The following PCSK5 variants were observed in gnomAD, a reference collection of about 807,000 sequenced individuals.
PCSK5 encodes proprotein convertase subtilisin/kexin type 5.
Under a neutral mutation model 233.2 loss-of-function variants are expected in PCSK5, and 129 were observed. The observed-to-expected ratio is 0.55, with a 90% CI of 0.48 to 0.64. The LOEUF is 0.64. Among genes scored for constraint, PCSK5 ranks in the 30% least tolerant of loss-of-function variants. PCSK5 has a pLI of 0.00. For synonymous variants in PCSK5, 825 were observed against 879.2 expected (o/e 0.94, Z 1.09); for missense variants, 2,076 against 2,430.1 (o/e 0.85, Z 3.06).
intron 30 of PCSK5, among the ~76,000 whole-genome samples, chr9:76,315,174 G>A (rs1828989562): frequency 6.6e-6 from 1 of 151,790 alleles, no homozygotes; most frequent in Non-Finnish European, 1.5e-5. Context: ...GGCTGGTCTT[G>A]AACTCCTGAC....
At chr9:76,184,191 A>G (rs932864825) in intron 16 of PCSK5, among the ~76,000 whole-genome samples, 1 of 152,206 alleles carries the variant, frequency 6.6e-6, no homozygotes, top group Admixed American at 6.5e-5. Context: ...GCAGTCTTAA[A>G]TGTAGATTCC....
intron 20 of PCSK5, among the ~76,000 whole-genome samples, chr9:76,212,979 T>C (rs1165980791): frequency 6.6e-6 from 1 of 152,162 alleles, no homozygotes; most frequent in Non-Finnish European, 1.5e-5. Flanking sequence ...TATCTGCCCC[T>C]CCTATATGTG....
At chr9:75,921,786 T>C (rs1428247985) in intron 1 of PCSK5, among the ~76,000 whole-genome samples, 1 of 152,230 alleles carries the variant, frequency 6.6e-6, no homozygotes, top group African/African-American at 2.4e-5. Context: ...ATTAAGGATA[T>C]AATTACTCAT....
chr9:76,255,187 T>G (rs1323222515), intron 24 of PCSK5, among the ~76,000 whole-genome samples: 6 of 152,018 alleles, frequency 3.9e-5, no homozygotes, highest in African/African-American at 1.4e-4. Context: ...CTAGGGAGGC[T>G]GAGGTGGGAT....
chr9:75,990,150 C>G (rs550810248), intron 3 of PCSK5, among the ~76,000 whole-genome samples: 1 of 152,278 alleles, frequency 6.6e-6, no homozygotes, highest in South Asian at 2.1e-4. Context: ...ACTGACACAG[C>G]CCAGGCAAGG....
rs552349247 is a variant in PCSK5 at position 76,294,054 on chromosome 9, G to A, written c.3186-1221G>A. ...TCTACTAAAAATACAAAAATTAGCC[G>A]AGTGTGGTGGCATGCATCTGTAGTT... On this transcript the variant is annotated intron_variant, in intron 25 of 37. Coordinates refer to ENST00000674117, the MANE Select transcript of PCSK5 (RefSeq NM_001372043.1). 6.6e-5 allele frequency among the ~76,000 whole-genome samples: 10 copies of A among 152,216 alleles called. No individual in the cohort carries two copies. The South Asian group carries it at 1.2e-3, about 19-fold the overall frequency.
chr9:75,967,935 T>G (rs1332366200), intron 2 of PCSK5, among the ~76,000 whole-genome samples: 2 of 152,238 alleles, frequency 1.3e-5, no homozygotes, highest in Non-Finnish European at 2.9e-5. Flanking sequence ...GCTAATTTTG[T>G]ATTTTTAGTA....
chr9:75,954,034 G>A (rs1824986050), intron 2 of PCSK5, among the ~76,000 whole-genome samples: 1 of 152,180 alleles, frequency 6.6e-6, no homozygotes, highest in East Asian at 1.9e-4. Flanking sequence ...GTGTTAAGCT[G>A]ATAAACTTAA....
intron 3 of PCSK5, among the ~76,000 whole-genome samples, chr9:75,993,117 A>G (rs895524309): frequency 2.6e-5 from 4 of 152,070 alleles, no homozygotes; most frequent in African/African-American, 9.7e-5. Context: ...TTGTGGCATT[A>G]TTGTCCTGGC....
chr9:76,310,762 C>T lies in PCSK5; in HGVS notation c.3795C>T (p.Cys1265=), dbSNP rs1158360359. Residue 1265 remains cysteine (C), a synonymous_variant, in exon 30 of 38, where the codon TGC becomes TGT. Coordinates refer to ENST00000674117, the MANE Select transcript of PCSK5 (RefSeq NM_001372043.1). ...CENCTEACAI[C]SGADLCKKCQ... ...ACTGTACGGAGGCCTGTGCCATCTGCTCTGGAGCCGATCTTTGCAAAAAAT... is the reference window on the plus strand; with the variant it reads ...ACTGTACGGAGGCCTGTGCCATCTGTTCTGGAGCCGATCTTTGCAAAAAAT... The T allele has an allele frequency of 8.7e-6, 14 of 1,612,272 alleles. No homozygotes were observed. The Admixed American group carries it at 1.0e-4, about 12-fold the overall frequency.
chr9:76,008,503 C>A (rs1285554160), intron 3 of PCSK5, among the ~76,000 whole-genome samples: 4 of 151,744 alleles, frequency 2.6e-5, no homozygotes, highest in Admixed American at 6.6e-5. Flanking sequence ...GCTCTGTCAC[C>A]CAGGCTGGAG....
chr9:75,901,627 T>TAAAA (rs34727969), intron 1 of PCSK5, among the ~76,000 whole-genome samples: 1 of 136,988 alleles, frequency 7.3e-6, no homozygotes, highest in Non-Finnish European at 1.6e-5. Flanking sequence ...TCCCAGAACT[T>TAAAA]AAAAAAAAAA....
At chr9:75,939,330 A>G (rs752310985) in intron 2 of PCSK5, among the ~76,000 whole-genome samples, 1 of 152,252 alleles carries the variant, frequency 6.6e-6, no homozygotes, top group East Asian at 1.9e-4. Context: ...AGTCTGCCCA[A>G]TAAGGCTTTC....
At chr9:76,303,109 T>C (rs1052567997) in intron 28 of PCSK5, among the ~76,000 whole-genome samples, 1 of 152,310 alleles carries the variant, frequency 6.6e-6, no homozygotes, top group African/African-American at 2.4e-5. Flanking sequence ...AGGAGGACTT[T>C]ATGCCCTGCC....
At chr9:76,180,824 T>C (rs978017020) in intron 15 of PCSK5, among the ~76,000 whole-genome samples, 2 of 152,174 alleles carry the variant, frequency 1.3e-5, no homozygotes, top group Non-Finnish European at 2.9e-5. Flanking sequence ...TGATATTTAA[T>C]TGGTGCTCAG....
At chr9:76,000,825 T>TGAC (rs1827229625) in intron 3 of PCSK5, among the ~76,000 whole-genome samples, 1 of 152,180 alleles carries the variant, frequency 6.6e-6, no homozygotes, top group Non-Finnish European at 1.5e-5. Flanking sequence ...CCCAGTATAT[T>TGAC]CTTTTTCTGG....
chr9:75,918,563 C>G (rs1051443635), intron 1 of PCSK5, among the ~76,000 whole-genome samples: 4 of 152,168 alleles, frequency 2.6e-5, no homozygotes, highest in African/African-American at 7.2e-5. Flanking sequence ...ACTATATACA[C>G]CTTCTCATCT....
At position 76,227,568 on chromosome 9, in the gene PCSK5, C is replaced by T. The variant is rs1164727103; in HGVS notation, c.2692C>T (p.Pro898Ser). ...CEASCAKCQGPTQEDCTTCPM... is the reference protein window; with the variant it reads ...CEASCAKCQGSTQEDCTTCPM... ...GGCCTCATGTGCCAAGTGCCAGGGA[C>T]CAACCCAGGAAGACTGCACTACCTG... The change falls in exon 21 of 38, where the codon CCA becomes TCA. Residue 898 changes from proline to serine, a missense_variant. Physicochemically the swap from Pro to Ser is moderately conservative, Grantham distance 74. Around this residue, in one of 6 missense-constraint regions of PCSK5, gnomAD observed 1,510 missense variants for 1,538.1 expected, o/e 0.98. Coordinates refer to ENST00000674117, the MANE Select transcript of PCSK5 (RefSeq NM_001372043.1). 3.1e-6 allele frequency: 5 copies of T among 1,611,942 alleles called. No homozygotes were observed. The highest frequency in any genetic ancestry group is 3.4e-6 in the Non-Finnish European group (4 of 1,179,494).
chr9:76,319,589 C>A (rs1445914208), intron 30 of PCSK5, among the ~76,000 whole-genome samples: 1 of 152,080 alleles, frequency 6.6e-6, no homozygotes, highest in Non-Finnish European at 1.5e-5. Context: ...CGAGCGGTAA[C>A]GCCAGTGTCT....
Sources: gnomAD v4.1 joint callset for allele counts (sites outside exome capture counted in the v4.1 genomes callset) on GRCh38, gnomAD v4.1.1 for gene constraint, gnomAD v4.1.1 regional missense constraint, MANE v1.5 for transcripts, NCBI Gene and HGNC (gene_info 2026-07-23, HGNC 2026-07-21) for gene names.